The following MAGI1 variants were observed in gnomAD, a reference collection of about 807,000 sequenced individuals.
The protein encoded by MAGI1 is membrane associated guanylate kinase, WW and PDZ domain containing 1, also known as membrane-associated guanylate kinase, WW and PDZ domain-containing protein 1.
MAGI1 carries 58 observed loss-of-function variants against 139.9 expected under a neutral mutation model. The observed-to-expected ratio is 0.41, with a 90% CI of 0.34 to 0.52. The LOEUF is 0.52. Ranked by LOEUF, MAGI1 falls within the 20% of genes least tolerant of loss-of-function variation. The pLI is 0.12. For synonymous variants in MAGI1, 812 were observed against 737.9 expected, an observed-to-expected ratio of 1.10 and a Z score of -1.63; for missense variants, 1,874 against 1,901.6, an observed-to-expected ratio of 0.99 and a Z score of 0.27.
chr3:66,033,891 G>A (rs1222571750), intron 1 of MAGI1, among the ~76,000 whole-genome samples: 1 of 152,112 alleles, frequency 6.6e-6, no homozygotes, highest in Non-Finnish European at 1.5e-5. Flanking sequence ...GGTGATTCAT[G>A]GAAACAAAGG....
intron 1 of MAGI1, among the ~76,000 whole-genome samples, chr3:66,036,582 C>G (rs946913366): frequency 6.6e-6 from 1 of 152,162 alleles, no homozygotes; most frequent in Non-Finnish European, 1.5e-5. Context: ...ATACAAGGAG[C>G]TTTCCATAGC....
intron 1 of MAGI1, among the ~76,000 whole-genome samples, chr3:65,683,112 T>C (rs78088724): frequency 0.017 from 2,531 of 152,190 alleles, 63 homozygotes; most frequent in African/African-American, 0.057. Context: ...TGCTTGCTGC[T>C]GCTCACCTCC....
At chr3:66,022,089 A>T (rs1293982403) in intron 1 of MAGI1, among the ~76,000 whole-genome samples, 4 of 151,824 alleles carry the variant, frequency 2.6e-5, no homozygotes, top group African/African-American at 9.7e-5. Context: ...GTTGTATTAA[A>T]CCCCATGGAT....
At position 65,401,979 on chromosome 3, in the gene MAGI1, G is replaced by A. The variant is rs1034805439; in HGVS notation, c.2168-509C>T. ...TTTTTTTCCTCTGCCTTTCGGAAGA[G>A]GAAATGCTTTCTTTATTTGGATGAG... On this transcript the variant is annotated intron_variant, in intron 12 of 22. Transcript: ENST00000402939. 2.8e-5 allele frequency: 23 copies of A among 811,436 alleles called. No homozygotes were observed. In the Admixed American group the frequency reaches 3.1e-4, roughly 11 times the overall value. The allele number at this position is 811,436 out of a possible 1,614,324, so 50.3% of individuals were successfully genotyped here. A position where few individuals can be genotyped will look rare whatever the true frequency, so the allele number is the denominator to read the frequency against.
At chr3:65,869,919 C>T (rs890968529) in intron 1 of MAGI1, among the ~76,000 whole-genome samples, 15 of 151,640 alleles carry the variant, frequency 9.9e-5, no homozygotes, top group African/African-American at 2.9e-4. Context: ...AGTGCTGGCA[C>T]GCAGTAAGCG....
chr3:65,777,682 G>A (rs892334765), intron 1 of MAGI1, among the ~76,000 whole-genome samples: 1 of 150,198 alleles, frequency 6.7e-6, no homozygotes, highest in Non-Finnish European at 1.5e-5. Context: ...AAAAAGAAAA[G>A]GGAAAAGAAA....
At chr3:65,501,520 C>A (rs1304146896) in intron 2 of MAGI1, among the ~76,000 whole-genome samples, 1 of 148,992 alleles carries the variant, frequency 6.7e-6, no homozygotes, top group African/African-American at 2.5e-5. Context: ...CCACCACAAA[C>A]CTATTAGAAT....
At chr3:65,881,710 G>A (rs1310679760) in intron 1 of MAGI1, among the ~76,000 whole-genome samples, 1 of 151,896 alleles carries the variant, frequency 6.6e-6, no homozygotes, top group African/African-American at 2.4e-5. Context: ...TTTTTATTTT[G>A]TCTTAAGAAC....
intron 5 of MAGI1, among the ~76,000 whole-genome samples, chr3:65,458,229 A>G (rs1372339921): frequency 6.6e-6 from 1 of 152,160 alleles, no homozygotes; most frequent in Non-Finnish European, 1.5e-5. Flanking sequence ...TTTCCAAATC[A>G]TGACTATGGC....
At chr3:65,850,441 C>G (rs2059162885) in intron 1 of MAGI1, among the ~76,000 whole-genome samples, 1 of 152,106 alleles carries the variant, frequency 6.6e-6, no homozygotes, top group Non-Finnish European at 1.5e-5. Context: ...GCTAGTCATC[C>G]TAATGCAAAG....
chr3:65,799,493 G>T (rs1368974117), intron 1 of MAGI1, among the ~76,000 whole-genome samples: 1 of 152,180 alleles, frequency 6.6e-6, no homozygotes, highest in East Asian at 1.9e-4. Flanking sequence ...TGCTGATGAA[G>T]AAGCAGCTGT....
At position 65,966,024 on chromosome 3, in the gene MAGI1, T is replaced by A. The variant is rs545593847; in HGVS notation, c.313+71972A>T. On this transcript the variant is annotated intron_variant, in intron 1 of 22. Transcript: ENST00000402939. ...ATAGAAGACGGTATCAATGCCACAA[T>A]CTAGGGTAAATGACCAACTGGAGTG... Among the ~76,000 whole-genome samples the A allele has an allele frequency of 2.6e-5, 4 of 152,316 alleles. No individual in the cohort carries two copies. The East Asian group carries it at 7.7e-4, about 29-fold the overall frequency.
intron 12 of MAGI1, among the ~76,000 whole-genome samples, chr3:65,422,253 G>A (rs1255302437): frequency 6.6e-6 from 1 of 152,184 alleles, no homozygotes; most frequent in Admixed American, 6.5e-5. Flanking sequence ...ATGAGATAGT[G>A]GCTACTTGAC....
intron 1 of MAGI1, among the ~76,000 whole-genome samples, chr3:65,759,668 T>G (rs1010580673): frequency 1.3e-5 from 2 of 152,224 alleles, no homozygotes; most frequent in African/African-American, 4.8e-5. Context: ...TTGCATTTAT[T>G]TCCTTTTCTG....
chr3:65,973,771 C>G (rs1368542690), intron 1 of MAGI1, among the ~76,000 whole-genome samples: 1 of 152,164 alleles, frequency 6.6e-6, no homozygotes, highest in Non-Finnish European at 1.5e-5. Flanking sequence ...CAGAGTATGG[C>G]ATAGAGAAAG....
chr3:65,701,124 T>C (rs1459179827), intron 1 of MAGI1, among the ~76,000 whole-genome samples: 2 of 152,220 alleles, frequency 1.3e-5, no homozygotes, highest in African/African-American at 4.8e-5. Context: ...CTAAGTGTTA[T>C]TCACATATTA....
chr3:65,993,547 C>A (rs2066287805), intron 1 of MAGI1, among the ~76,000 whole-genome samples: 1 of 152,188 alleles, frequency 6.6e-6, no homozygotes. Context: ...ACTGTTCAAG[C>A]CTCCATGGAC....
At chr3:65,912,252 A>AAG (rs1491303967) in intron 1 of MAGI1, among the ~76,000 whole-genome samples, 1 of 151,676 alleles carries the variant, frequency 6.6e-6, no homozygotes, top group African/African-American at 2.4e-5. Context: ...AAAAAAAAAA[A>AAG]GAGTTCTGCT....
At chr3:65,837,607 T>A (rs1277617634) in intron 1 of MAGI1, among the ~76,000 whole-genome samples, 1 of 152,188 alleles carries the variant, frequency 6.6e-6, no homozygotes, top group Non-Finnish European at 1.5e-5. Context: ...TGATGCTTGG[T>A]AACAGTGAGC....
Sources: allele counts gnomAD v4.1 joint callset (sites outside exome capture counted in the v4.1 genomes callset), GRCh38; gene constraint gnomAD v4.1.1; transcripts MANE v1.5; gene names NCBI Gene and HGNC (gene_info 2026-07-23, HGNC 2026-07-21).